The following ABCC4 variants were observed in gnomAD, a reference collection of about 807,000 sequenced individuals.
The protein encoded by ABCC4 is ATP binding cassette subfamily C member 4 (PEL blood group), also known as ATP-binding cassette sub-family C member 4.
A neutral mutation model predicts 168.5 loss-of-function variants in ABCC4; 102 were observed. The observed-to-expected ratio is 0.61, with a 90% CI of 0.52 to 0.71. The LOEUF (loss-of-function observed/expected upper bound fraction) is 0.71. ABCC4 is among the 30% of genes least tolerant of loss of function. ABCC4 has a pLI of 0.00. For missense variants in ABCC4, 1,402 were observed against 1,605.8 expected (o/e 0.87, Z 2.17); for synonymous variants, 617 against 590.7 (o/e 1.04, Z -0.65).
chr13:95,257,846 A>C (rs1007179416), intron 1 of ABCC4, among the ~76,000 whole-genome samples: 4 of 152,110 alleles, frequency 2.6e-5, no homozygotes, highest in African/African-American at 9.7e-5. Flanking sequence ...AACTGATAGA[A>C]TTTAGTCAGT....
intron 8 of ABCC4, among the ~76,000 whole-genome samples, chr13:95,203,505 G>A (rs2038690857): frequency 6.6e-6 from 1 of 151,922 alleles, no homozygotes; most frequent in African/African-American, 2.4e-5. Context: ...TTACAGGCAT[G>A]TACCACCATG....
intron 16 of ABCC4, 90 bp downstream of exon 16, chr13:95,164,288 C>A: frequency 1.3e-6 from 2 of 1,496,050 alleles, no homozygotes; most frequent in Non-Finnish European, 1.8e-6. Flanking sequence ...AATTCAGACC[C>A]CAAGTGAACT....
intron 10 of ABCC4, among the ~76,000 whole-genome samples, chr13:95,188,145 A>G (rs2038128369): frequency 6.8e-6 from 1 of 146,554 alleles, no homozygotes; most frequent in Non-Finnish European, 1.5e-5. Context: ...TGACAAAAAG[A>G]AGTTCCCACT....
At chr13:95,283,194 C>T (rs567902953) in intron 1 of ABCC4, among the ~76,000 whole-genome samples, 1 of 139,800 alleles carries the variant, frequency 7.2e-6, no homozygotes, top group Non-Finnish European at 1.5e-5. Context: ...CCTGCCTGGG[C>T]AACAGAGCAA....
At chr13:95,161,448 G>T in intron 18 of ABCC4, 113 bp from the exon 19 acceptor site, 1 of 778,988 alleles carries the variant, frequency 1.3e-6, no homozygotes, top group Non-Finnish European at 1.9e-6. Flanking sequence ...ATTCCATAAA[G>T]CATCTGGATT....
At chr13:95,045,330 A>G (rs988515331) in intron 27 of ABCC4, among the ~76,000 whole-genome samples, 1 of 152,170 alleles carries the variant, frequency 6.6e-6, no homozygotes, top group African/African-American at 2.4e-5. Context: ...GCACTTTACC[A>G]TTTTGGAAGG....
intron 1 of ABCC4, among the ~76,000 whole-genome samples, chr13:95,281,651 G>A (rs942849891): frequency 6.6e-6 from 1 of 152,160 alleles, no homozygotes; most frequent in Non-Finnish European, 1.5e-5. Context: ...TAAGCAGGTG[G>A]AATAGAGGGT....
At chr13:95,105,270 C>T (rs1378384684) in intron 20 of ABCC4, among the ~76,000 whole-genome samples, 4 of 152,002 alleles carry the variant, frequency 2.6e-5, no homozygotes, top group African/African-American at 4.8e-5. Context: ...CAGGCGGTAA[C>T]GTGAGTGATG....
chr13:95,152,371 A>G (rs2036715793), intron 19 of ABCC4, among the ~76,000 whole-genome samples: 1 of 152,168 alleles, frequency 6.6e-6, no homozygotes, highest in South Asian at 2.1e-4. Flanking sequence ...ATGCAAATGC[A>G]CTCTTGGAAC....
At chr13:95,043,484 T>C (rs2032446700) in intron 29 of ABCC4, 198 bp downstream of exon 29, 2 of 474,836 alleles carry the variant, frequency 4.2e-6, no homozygotes, top group Non-Finnish European at 7.5e-6. Flanking sequence ...CATATGATTA[T>C]ATGCAAAGAG....
At chr13:95,108,371 C>A (rs1167569980) in intron 20 of ABCC4, among the ~76,000 whole-genome samples, 1 of 152,158 alleles carries the variant, frequency 6.6e-6, no homozygotes, top group Non-Finnish European at 1.5e-5. Context: ...ACCCAAATCT[C>A]ATCTTGAACT....
At chr13:95,047,542 C>T (rs1272534158) in intron 27 of ABCC4, among the ~76,000 whole-genome samples, 6 of 122,176 alleles carry the variant, frequency 4.9e-5, no homozygotes, top group South Asian at 2.7e-4. Flanking sequence ...TGCAGTGGTG[C>T]GATCTCAGCT....
At chr13:95,215,275 A>G (rs1019531761) in intron 4 of ABCC4, among the ~76,000 whole-genome samples, 1 of 151,946 alleles carries the variant, frequency 6.6e-6, no homozygotes, top group African/African-American at 2.4e-5. Flanking sequence ...GGTGCCACAC[A>G]CTTGTAGACC....
intron 14 of ABCC4, among the ~76,000 whole-genome samples, chr13:95,167,998 C>T (rs2037341496): frequency 6.6e-6 from 1 of 152,140 alleles, no homozygotes; most frequent in Admixed American, 6.5e-5. Context: ...TCCTGAGTAG[C>T]TGGGATCACA....
At chr13:95,034,849 T>C in intron 29 of ABCC4, 110 bp from the exon 30 acceptor site, 1 of 1,476,008 alleles carries the variant, frequency 6.8e-7, no homozygotes, top group Non-Finnish European at 9.3e-7. Flanking sequence ...TCTGTTTGGG[T>C]GGTAGGCCTG....
intron 19 of ABCC4, among the ~76,000 whole-genome samples, chr13:95,129,227 G>A (rs1047064215): frequency 1.2e-4 from 19 of 152,214 alleles, no homozygotes; most frequent in East Asian, 3.9e-4. Context: ...CAAATATTGC[G>A]TAATTATTAA....
At chr13:95,246,208 C>A (rs951011960) in intron 3 of ABCC4, among the ~76,000 whole-genome samples, 11 of 152,202 alleles carry the variant, frequency 7.2e-5, no homozygotes, top group African/African-American at 1.9e-4. Context: ...TTTATACATT[C>A]TCTGCAGGGC....
At chr13:95,283,231 A>T (rs1566598195) in intron 1 of ABCC4, among the ~76,000 whole-genome samples, 2 of 151,254 alleles carry the variant, frequency 1.3e-5, no homozygotes, top group African/African-American at 2.4e-5. Context: ...AAAAAAAAAA[A>T]GTTTAAAAAC....
chr13:95,283,258 G>T (rs1424448325), intron 1 of ABCC4, among the ~76,000 whole-genome samples: 1 of 151,664 alleles, frequency 6.6e-6, no homozygotes, highest in African/African-American at 2.4e-5. Flanking sequence ...TGTGGCAGTG[G>T]GTCTCAAACA....
Sources: allele counts gnomAD v4.1 joint callset (sites outside exome capture counted in the v4.1 genomes callset), GRCh38; gene constraint gnomAD v4.1.1; transcripts MANE v1.5; gene names NCBI Gene and HGNC (gene_info 2026-07-23, HGNC 2026-07-21).